Variants in ZNF578 observed in about 807,000 individuals in gnomAD.
ZNF578 encodes the protein Putative chemokine-related protein B42.
A neutral mutation model predicts 8.3 loss-of-function variants in ZNF578; 8 were observed. The ratio of observed to expected loss-of-function variants is 0.96; its 90% CI spans 0.56 to 1.74. ZNF578 has a LOEUF of 1.74. Ranked by LOEUF, ZNF578 falls within the 40% of genes most tolerant of loss-of-function variation. The pLI is 0.00. For synonymous variants in ZNF578, 206 were observed against 232.2 expected (o/e 0.89, Z 1.03); for missense variants, 726 against 707.5 (o/e 1.03, Z -0.30).
chr19:52,509,202 C>T (rs2059435950), intron 5 of ZNF578, among the ~76,000 whole-genome samples: 2 of 151,980 alleles, frequency 1.3e-5, no homozygotes, highest in African/African-American at 4.8e-5. Context: ...CGTGCCCAGC[C>T]GTTAGTCAGT....
rs1555751338 is a variant in ZNF578 at position 52,459,751 on chromosome 19, G to GTA, written c.-122+2811_-122+2812dup. On this transcript the variant is annotated intron_variant, in intron 2 of 5. Transcript: ENST00000421239. ...TGTGTGTGTGTGTGTGTGTGTGTGT[G>GTA]TATATATATATATATATATTTTTTT... Among the ~76,000 whole-genome samples the GTA allele has an allele frequency of 8.4e-4, 4 of 4,770 alleles. 1 individual carries two copies. The highest frequency in any genetic ancestry group is 8.2e-3 in the East Asian group (3 of 366). 3.1% of individuals were successfully genotyped at this position (4,770 alleles called of 152,430 possible). A position where few individuals can be genotyped will look rare whatever the true frequency, so the allele number is the denominator to read the frequency against.
chr19:52,503,609 C>G (rs1308669050), intron 4 of ZNF578, among the ~76,000 whole-genome samples: 1 of 152,152 alleles, frequency 6.6e-6, no homozygotes, highest in African/African-American at 2.4e-5. Flanking sequence ...CTCCCAAGTG[C>G]TGGGATTACA....
chr19:52,474,102 T>C, intron 2 of ZNF578: 1 of 361,846 alleles, frequency 2.8e-6, no homozygotes. Context: ...CTCTGATGAT[T>C]GCTTAGGGAT....
chr19:52,493,106 T>G (rs1163110331), intron 3 of ZNF578, among the ~76,000 whole-genome samples: 1 of 152,150 alleles, frequency 6.6e-6, no homozygotes, highest in Non-Finnish European at 1.5e-5. Context: ...TAGCGTAATT[T>G]TCCTGCTCAA....
chr19:52,456,398 T>G (rs1407572313), intron 1 of ZNF578: 2 of 152,246 alleles, frequency 1.3e-5, no homozygotes, highest in Non-Finnish European at 2.9e-5. Context: ...GAGATTCCCA[T>G]GCATGTAGGT....
chr19:52,454,225 T>A (rs1337825842), intron 1 of ZNF578: 2 of 152,238 alleles, frequency 1.3e-5, no homozygotes, highest in Non-Finnish European at 2.9e-5. Context: ...TCTTTCCTCC[T>A]CTGAAACTCA....
chr19:52,484,787 C>T (rs1377895424), intron 2 of ZNF578, among the ~76,000 whole-genome samples: 1 of 151,554 alleles, frequency 6.6e-6, no homozygotes, highest in Admixed American at 6.6e-5. Flanking sequence ...AACAACCCCC[C>T]TTTGACTGTA....
At chr19:52,479,364 T>TC (rs2059318131) in intron 2 of ZNF578, among the ~76,000 whole-genome samples, 1 of 151,690 alleles carries the variant, frequency 6.6e-6, no homozygotes, top group African/African-American at 2.4e-5. Context: ...TGAAACCCCA[T>TC]CTCTACTAAA....
At chr19:52,477,854 T>TG (rs1247617987) in intron 2 of ZNF578, among the ~76,000 whole-genome samples, 1 of 152,214 alleles carries the variant, frequency 6.6e-6, no homozygotes, top group Non-Finnish European at 1.5e-5. Flanking sequence ...ATCTGACACT[T>TG]GACTGCCTCT....
At chr19:52,485,795 C>G (rs1257630397) in intron 2 of ZNF578, among the ~76,000 whole-genome samples, 1 of 152,080 alleles carries the variant, frequency 6.6e-6, no homozygotes, top group East Asian at 1.9e-4. Context: ...CATCACCACT[C>G]CCTATTCTCA....
intron 2 of ZNF578, among the ~76,000 whole-genome samples, chr19:52,486,416 C>G (rs1017646656): frequency 4.6e-5 from 7 of 152,174 alleles, no homozygotes; most frequent in African/African-American, 1.7e-4. Flanking sequence ...TTTCTCTATA[C>G]TTTGTCTCTT....
At chr19:52,473,157 T>C (rs1051988934) in intron 2 of ZNF578, among the ~76,000 whole-genome samples, 45 of 152,228 alleles carry the variant, frequency 3.0e-4, no homozygotes, top group Admixed American at 9.2e-4. Flanking sequence ...ACACTACATT[T>C]ACATGGTTTC....
intron 4 of ZNF578, among the ~76,000 whole-genome samples, chr19:52,502,125 G>A (rs1471852026): frequency 6.6e-6 from 1 of 152,112 alleles, no homozygotes; most frequent in Non-Finnish European, 1.5e-5. Flanking sequence ...CATGAACTTG[G>A]GAAGAGGCTC....
At chr19:52,483,579 G>A (rs1052199753) in intron 2 of ZNF578, among the ~76,000 whole-genome samples, 1 of 152,210 alleles carries the variant, frequency 6.6e-6, no homozygotes, top group African/African-American at 2.4e-5. Context: ...TCAGACCAGG[G>A]AGCCTGCATC....
chr19:52,470,696 T>C (rs1413031626), intron 2 of ZNF578, among the ~76,000 whole-genome samples: 1 of 152,162 alleles, frequency 6.6e-6, no homozygotes, highest in African/African-American at 2.4e-5. Context: ...CTCTTTCTTC[T>C]TTCTATGCTG....
chr19:52,510,162 A>G (rs1425784324), intron 5 of ZNF578, among the ~76,000 whole-genome samples: 2 of 151,846 alleles, frequency 1.3e-5, no homozygotes, highest in Non-Finnish European at 1.5e-5. Flanking sequence ...CCAATATAGT[A>G]TATTGTGTGG....
intron 4 of ZNF578, among the ~76,000 whole-genome samples, chr19:52,502,341 C>T (rs561146006): frequency 2.0e-5 from 3 of 152,250 alleles, no homozygotes; most frequent in Non-Finnish European, 2.9e-5. Flanking sequence ...GGAAAGGAGA[C>T]GAATAAGGAG....
intron 2 of ZNF578, among the ~76,000 whole-genome samples, chr19:52,479,562 A>G (rs1046850788): frequency 5.6e-4 from 84 of 149,742 alleles, no homozygotes; most frequent in Admixed American, 1.8e-3. Context: ...AAAAAAAAAA[A>G]GGAAAAAAGA....
intron 5 of ZNF578, among the ~76,000 whole-genome samples, chr19:52,506,301 C>G (rs1376642394): frequency 1.3e-5 from 2 of 151,836 alleles, no homozygotes; most frequent in East Asian, 1.9e-4. Context: ...TTGGTTTTTT[C>G]TCTTTACTAT....
Sources: gnomAD v4.1 joint callset for allele counts (sites outside exome capture counted in the v4.1 genomes callset) on GRCh38, gnomAD v4.1.1 for gene constraint, MANE v1.5 for transcripts, NCBI Gene and HGNC (gene_info 2026-07-23, HGNC 2026-07-21) for gene names.